The following PTPN5 variants were observed in gnomAD, a reference collection of about 807,000 sequenced individuals.
PTPN5 encodes the protein protein tyrosine phosphatase non-receptor type 5, also known as tyrosine-protein phosphatase non-receptor type 5.
PTPN5 carries 29 observed loss-of-function variants against 73.9 expected under a neutral mutation model. That is an observed-to-expected ratio of 0.39 (90% CI 0.29 to 0.54). PTPN5 has a LOEUF of 0.54. Among genes scored for constraint, PTPN5 ranks in the 20% least tolerant of loss-of-function variants. The pLI is 0.65. For missense variants in PTPN5, 652 were observed against 751.4 expected, an observed-to-expected ratio of 0.87 and a Z score of 1.55; for synonymous variants, 267 against 304.7, an observed-to-expected ratio of 0.88 and a Z score of 1.29.
chr11:18,771,319 G>A (rs997033322), intron 2 of PTPN5, among the ~76,000 whole-genome samples: 1 of 152,162 alleles, frequency 6.6e-6, no homozygotes, highest in African/African-American at 2.4e-5. Flanking sequence ...TGTTCCCTCA[G>A]CCTGGAAGAT....
chr11:18,782,572 T>C (rs1252846927), intron 1 of PTPN5, among the ~76,000 whole-genome samples: 1 of 152,188 alleles, frequency 6.6e-6, no homozygotes. Context: ...TACTATATGA[T>C]TCCACTTATA....
At chr11:18,788,529 G>C (rs903279098) in intron 1 of PTPN5, among the ~76,000 whole-genome samples, 5 of 152,172 alleles carry the variant, frequency 3.3e-5, no homozygotes, top group African/African-American at 1.2e-4. Context: ...CTCTGCTCAT[G>C]CTATTTCCAC....
intron 3 of PTPN5, among the ~76,000 whole-genome samples, chr11:18,763,739 A>C (rs1850504890): frequency 6.6e-6 from 1 of 152,216 alleles, no homozygotes; most frequent in Non-Finnish European, 1.5e-5. Context: ...GTGCTCAATA[A>C]GTACTTGAGT....
chr11:18,733,814 T>TGAGGAG lies in PTPN5; in HGVS notation c.1001-185_1001-180dup, dbSNP rs898078060. On this transcript the variant is annotated intron_variant, in intron 9 of 14. Transcript: ENST00000358540. The surrounding 1 kb of genome is among the most constrained non-coding windows in gnomAD (Gnocchi z 4.3). ...TCATTTTGTAGGTGAGGACTCAGGA[T>TGAGGAG]GAGGAGGAGGGTGGAGAGAGAGGGG... Among the ~76,000 whole-genome samples, 1 of 152,186 alleles carries TGAGGAG rather than the reference T, an allele frequency of 6.6e-6. No homozygotes were observed. Among genetic ancestry groups the TGAGGAG allele is most frequent in the Non-Finnish European group, 1.5e-5 (1 of 68,026 alleles).
At chr11:18,734,121 GATGA>G (rs1156865800) in intron 9 of PTPN5, among the ~76,000 whole-genome samples, 1 of 152,200 alleles carries the variant, frequency 6.6e-6, no homozygotes, top group East Asian at 1.9e-4. Context: ...CTGTTGGGAA[GATGA>G]ATGAGAAAAG....
At chr11:18,746,911 G>A (rs1245538781) in intron 3 of PTPN5, among the ~76,000 whole-genome samples, 5 of 152,228 alleles carry the variant, frequency 3.3e-5, no homozygotes, top group African/African-American at 1.2e-4. Context: ...GTTGACAGGT[G>A]ATGCCAAATA....
intron 3 of PTPN5, among the ~76,000 whole-genome samples, chr11:18,751,930 G>A (rs1307688767): frequency 1.3e-5 from 2 of 152,202 alleles, no homozygotes; most frequent in Non-Finnish European, 2.9e-5. Context: ...TGTAAGGCTA[G>A]GTTATAAGAG....
chr11:18,735,788 G>A (rs1849087042), intron 9 of PTPN5, among the ~76,000 whole-genome samples: 1 of 151,772 alleles, frequency 6.6e-6, no homozygotes. Context: ...AAAAAAGCTG[G>A]ACTTAAACCT....
intron 3 of PTPN5, among the ~76,000 whole-genome samples, chr11:18,745,611 G>C (rs1164589832): frequency 6.6e-6 from 1 of 152,136 alleles, no homozygotes; most frequent in Non-Finnish European, 1.5e-5. Flanking sequence ...GATGTCCCCT[G>C]AAGTAGGTCC....
At chr11:18,776,460 C>T (rs1043888122) in intron 1 of PTPN5, among the ~76,000 whole-genome samples, 1 of 152,142 alleles carries the variant, frequency 6.6e-6, no homozygotes, top group South Asian at 2.1e-4. Context: ...AGTCTCCCAG[C>T]CTCACACAGA....
intron 1 of PTPN5, among the ~76,000 whole-genome samples, chr11:18,779,123 C>A (rs1851303718): frequency 6.6e-6 from 1 of 152,078 alleles, no homozygotes; most frequent in Non-Finnish European, 1.5e-5. Flanking sequence ...CTAGAGGGGC[C>A]CCTAGCTCCT....
chr11:18,776,537 G>A (rs564838973), intron 1 of PTPN5, among the ~76,000 whole-genome samples: 5 of 152,238 alleles, frequency 3.3e-5, no homozygotes, highest in Admixed American at 2.6e-4. Flanking sequence ...CTTATTGTGT[G>A]CTGGATGTCG....
chr11:18,743,458 G>A (rs769238161), intron 4 of PTPN5, 29 bp from the exon 5 acceptor site: 2 of 1,596,374 alleles, frequency 1.3e-6, no homozygotes, highest in Non-Finnish European at 1.7e-6. Context: ...GGCTGAGTAT[G>A]GAGCCGGCCC....
chr11:18,743,868 G>A, intron 4 of PTPN5, 138 bp downstream of exon 4: 2 of 995,436 alleles, frequency 2.0e-6, no homozygotes, highest in Non-Finnish European at 1.4e-6. Context: ...CCAGCCTTGA[G>A]GGCTTGGAGC....
chr11:18,737,577 C>T (rs777599952), intron 9 of PTPN5, among the ~76,000 whole-genome samples: 5 of 152,182 alleles, frequency 3.3e-5, no homozygotes, highest in African/African-American at 4.8e-5. Flanking sequence ...AAAAGAGTTT[C>T]GGTTACCACA....
intron 3 of PTPN5, among the ~76,000 whole-genome samples, chr11:18,756,937 C>CAA (rs774815903): frequency 0.31 from 43,978 of 143,062 alleles, 8,193 homozygotes; most frequent in Admixed American, 0.44. Flanking sequence ...AAAAAAAAAA[C>CAA]CAAAAAACAA....
chr11:18,744,074 G>A lies in PTPN5; in HGVS notation c.223C>T (p.Arg75Ter), dbSNP rs1849501677. The change falls in exon 4 of 15, where the codon CGA becomes TGA. Residue 75 changes from arginine to a stop codon, truncating the protein, a stop_gained. Coordinates refer to ENST00000358540, the MANE Select transcript of PTPN5 (RefSeq NM_006906.2). LOFTEE classifies it high-confidence loss of function. ...GTGAGGGAGTGGCTCCCAGCGCCTC[G>A]AGGTGGTGGCTTCTGAGCTGGATCT... Reference protein sequence around the residue: ...PSDPAQKPPPRGAGSHSLTVR... With the variant: ...PSDPAQKPPP The A allele has an allele frequency of 1.9e-6, 3 of 1,610,158 alleles. No homozygotes were observed. The highest frequency in any genetic ancestry group is 2.2e-5 in the East Asian group (1 of 44,660).
rs564426142 is a variant in PTPN5, at chr11:18,755,481, T to C, written c.97+10326A>G. On this transcript the variant is annotated intron_variant, in intron 3 of 14. Coordinates refer to ENST00000358540, the MANE Select transcript of PTPN5 (RefSeq NM_006906.2). ...GCGGTTTTATCCCTTCCTCAGGTAA[T>C]ATGGATTTTCATAGCAGGCTGTATT... Among the ~76,000 whole-genome samples the C allele has an allele frequency of 1.4e-4, 22 of 152,204 alleles. No individual in the cohort carries two copies. In the South Asian group the frequency reaches 1.5e-3, roughly 10 times the overall value.
At chr11:18,755,152 G>A (rs1057233872) in intron 3 of PTPN5, among the ~76,000 whole-genome samples, 3 of 152,226 alleles carry the variant, frequency 2.0e-5, no homozygotes, top group Admixed American at 6.5e-5. Flanking sequence ...GAGGCAGCTC[G>A]TGGAGTGGCT....
Sources: gnomAD v4.1 joint callset for allele counts (sites outside exome capture counted in the v4.1 genomes callset) on GRCh38, gnomAD v4.1.1 for gene constraint, Gnocchi (gnomAD v3.1) non-coding constraint, MANE v1.5 for transcripts, NCBI Gene and HGNC (gene_info 2026-07-23, HGNC 2026-07-21) for gene names.